POT1: variants seen among roughly 807,000 people sequenced by gnomAD.
The protein encoded by POT1 is protection of telomeres 1.
In POT1, 47 loss-of-function variants were observed where a neutral mutation model predicts 78.5. That is an observed-to-expected ratio of 0.60 (90% CI 0.47 to 0.76). The LOEUF is 0.76. Among genes scored for constraint, POT1 ranks in the 30% least tolerant of loss-of-function variants. POT1 has a pLI of 0.00. For missense variants in POT1, 646 were observed against 749.9 expected (o/e 0.86, Z 1.62); for synonymous variants, 259 against 260.7 (o/e 0.99, Z 0.06).
rs1263356907 is a variant in POT1, at chr7:124,926,296, CAGA to C, written c.-227+2516_-227+2518del. ...GTGGGCTAAGGACATGAACATTTTTCAGAAGAAGATAAACAAATAGCCAACAAG... is the reference window on the plus strand; with the variant it reads ...GTGGGCTAAGGACATGAACATTTTTCAGAAGATAAACAAATAGCCAACAAG... On this transcript the variant is annotated intron_variant, in intron 2 of 18. Coordinates refer to ENST00000357628, the MANE Select transcript of POT1 (RefSeq NM_015450.3). 9.2e-5 allele frequency among the ~76,000 whole-genome samples: 14 copies of C among 152,120 alleles called. No homozygotes were observed. The South Asian group carries it at 1.2e-3, about 14-fold the overall frequency.
chr7:124,906,398 C>T (rs1180569057), intron 3 of POT1, among the ~76,000 whole-genome samples: 3 of 150,418 alleles, frequency 2.0e-5, no homozygotes, highest in South Asian at 2.1e-4. Context: ...GACAGAAAAC[C>T]AATCACCACA....
chr7:124,924,157 A>AC (rs1491255642), intron 2 of POT1, among the ~76,000 whole-genome samples: 1 of 21,712 alleles, frequency 4.6e-5, no homozygotes, highest in Non-Finnish European at 9.8e-5. Context: ...ACAAAAATCC[A>AC]AAAAAAAAAA....
chr7:124,856,663 G>A (rs1298895974), intron 9 of POT1, among the ~76,000 whole-genome samples: 1 of 152,162 alleles, frequency 6.6e-6, no homozygotes, highest in Admixed American at 6.5e-5. Context: ...GAAACAGAAA[G>A]ACCTACATTG....
chr7:124,892,211 C>A (rs1796388584), intron 6 of POT1, 55 bp downstream of exon 6: 3 of 1,101,820 alleles, frequency 2.7e-6, no homozygotes, highest in African/African-American at 1.7e-5. Context: ...GAACCGTGTT[C>A]CTAAATCAAT....
At chr7:124,834,955 A>G (rs1047192301) in intron 15 of POT1, among the ~76,000 whole-genome samples, 1 of 152,176 alleles carries the variant, frequency 6.6e-6, no homozygotes, top group African/African-American at 2.4e-5. Flanking sequence ...CATATGGATA[A>G]AGCCGGAAAC....
chr7:124,897,911 A>C (rs1033968813), intron 4 of POT1, among the ~76,000 whole-genome samples: 2 of 151,976 alleles, frequency 1.3e-5, no homozygotes, highest in Admixed American at 6.6e-5. Context: ...AGAAGGAAAA[A>C]ATCCGTTTTA....
intron 3 of POT1, among the ~76,000 whole-genome samples, chr7:124,904,693 AG>A (rs1796715222): frequency 1.3e-5 from 2 of 152,364 alleles, no homozygotes; most frequent in African/African-American, 4.8e-5. Context: ...GTAGAAAAAC[AG>A]GAAGTCAAAT....
rs1169651941 is a variant in POT1 at position 124,874,812 on chromosome 7, GGAGA to G, written c.125-3775_125-3772del. Among the ~76,000 whole-genome samples, 3 of 150,700 alleles carry G rather than the reference GGAGA, an allele frequency of 2.0e-5. No individual in the cohort carries two copies. In the Admixed American group the frequency reaches 2.0e-4, roughly 10 times the overall value. ...GAAGGGAATGAGGGGGAGGAAAAAA[GGAGA>G]GAGAGAGTAAAGGGGAGAAAGAAGG... On this transcript the variant is annotated intron_variant, in intron 6 of 18. Coordinates refer to ENST00000357628, the MANE Select transcript of POT1 (RefSeq NM_015450.3).
chr7:124,832,680 T>C (rs1794795442), intron 15 of POT1, among the ~76,000 whole-genome samples: 1 of 151,860 alleles, frequency 6.6e-6, no homozygotes, highest in African/African-American at 2.4e-5. Flanking sequence ...AGCCGGGTGT[T>C]AGTGGTGCAT....
At chr7:124,847,616 G>A (rs946118119) in intron 11 of POT1, among the ~76,000 whole-genome samples, 22 of 152,130 alleles carry the variant, frequency 1.4e-4, no homozygotes, top group African/African-American at 5.1e-4. Flanking sequence ...AAATAACAAA[G>A]TTGGAGAACC....
intron 6 of POT1, among the ~76,000 whole-genome samples, chr7:124,891,997 G>A (rs981215554): frequency 2.0e-5 from 3 of 151,498 alleles, no homozygotes; most frequent in Non-Finnish European, 4.4e-5. Context: ...ACCTTTTCCA[G>A]TGAATTTTAT....
At chr7:124,910,374 T>C (rs1796862600) in intron 3 of POT1, among the ~76,000 whole-genome samples, 1 of 152,010 alleles carries the variant, frequency 6.6e-6, no homozygotes, top group African/African-American at 2.4e-5. Flanking sequence ...CTAAGTCCTT[T>C]AACAAATGTT....
intron 6 of POT1, among the ~76,000 whole-genome samples, chr7:124,889,979 T>A (rs1796330853): frequency 6.6e-6 from 1 of 151,968 alleles, no homozygotes; most frequent in African/African-American, 2.4e-5. Context: ...GTGTCATTAT[T>A]TAAAAAAAAT....
In POT1 at chr7:124,822,427, A is replaced by C; in HGVS notation, c.*1535T>G. ...GTTTATTTAAAACAAAAATAAGAAG[A>C]GACATGGCCTATCATCATGAAGATT... On this transcript the variant is annotated 3_prime_UTR_variant, in exon 19 of 19. Transcript: ENST00000357628. 3.1e-6 allele frequency: 1 copy of C among 322,254 alleles called. No homozygotes were observed. The highest frequency in any genetic ancestry group is 7.6e-5 in the East Asian group (1 of 13,096). 20.0% of individuals were successfully genotyped at this position (322,254 alleles called of 1,614,324 possible). A position where few individuals can be genotyped will look rare whatever the true frequency, so the allele number is the denominator to read the frequency against.
rs1312790845 is a variant in POT1, at chr7:124,929,814, T to C, written c.-432A>G. On this transcript the variant is annotated 5_prime_UTR_variant, in exon 1 of 19. Transcript: ENST00000357628. ...CTCACCCGTACTCTAGAAAGAACCC[T>C]AGGAAGAGTTTAGGCGGGCGCGCAG... is the stretch of plus-strand genomic sequence containing the variant. 4 of 152,128 alleles carry C rather than the reference T, an allele frequency of 2.6e-5. No individual in the cohort carries two copies. Among genetic ancestry groups the C allele is most frequent in the African/African-American group, 9.7e-5 (4 of 41,408 alleles). The allele number at this position is 152,128 out of a possible 1,614,324, so 9.4% of individuals were successfully genotyped here.
chr7:124,895,344 A>AT (rs890328175), intron 5 of POT1, among the ~76,000 whole-genome samples: 33 of 148,096 alleles, frequency 2.2e-4, no homozygotes, highest in South Asian at 4.2e-4. Flanking sequence ...GACATGAACA[A>AT]TTTTTTTTTT....
chr7:124,923,467 G>C (rs760054610), intron 2 of POT1, among the ~76,000 whole-genome samples: 1 of 151,488 alleles, frequency 6.6e-6, no homozygotes, highest in African/African-American at 2.4e-5. Context: ...GAAATAATGC[G>C]GTCAGGCAAA....
At chr7:124,869,025 T>C (rs1371120878) in intron 7 of POT1, among the ~76,000 whole-genome samples, 2 of 152,088 alleles carry the variant, frequency 1.3e-5, no homozygotes, top group East Asian at 3.9e-4. Flanking sequence ...TAGTCATAAA[T>C]GAATATATTA....
At chr7:124,826,581 T>C (rs1428272607) in intron 17 of POT1, among the ~76,000 whole-genome samples, 1 of 152,136 alleles carries the variant, frequency 6.6e-6, no homozygotes, top group Non-Finnish European at 1.5e-5. Context: ...GTTTAAAAAG[T>C]ATGATCAAGG....
Sources: allele counts gnomAD v4.1 joint callset (sites outside exome capture counted in the v4.1 genomes callset), GRCh38; gene constraint gnomAD v4.1.1; transcripts MANE v1.5; gene names NCBI Gene and HGNC (gene_info 2026-07-23, HGNC 2026-07-21).